Variants in CDC42BPA observed in about 807,000 individuals in gnomAD.
CDC42BPA encodes CDC42 binding protein kinase alpha.
A neutral mutation model predicts 223.5 loss-of-function variants in CDC42BPA; 80 were observed. The observed-to-expected ratio is 0.36, with a 90% CI of 0.30 to 0.43. The LOEUF (loss-of-function observed/expected upper bound fraction) is 0.43, where lower values mean the gene tolerates loss of function less well. Ranked by LOEUF, CDC42BPA falls within the 20% of genes least tolerant of loss-of-function variation. The pLI is 1.00. For missense variants in CDC42BPA, 1,743 were observed against 2,099.9 expected, an observed-to-expected ratio of 0.83 and a Z score of 3.32; for synonymous variants, 694 against 718.6, an observed-to-expected ratio of 0.97 and a Z score of 0.55.
intron 2 of CDC42BPA, among the ~76,000 whole-genome samples, chr1:227,221,781 T>G (rs1675940778): frequency 6.6e-6 from 1 of 151,524 alleles, no homozygotes; most frequent in African/African-American, 2.4e-5. Context: ...AGTCCCATTC[T>G]CCCCCAAGGT....
chr1:227,308,768 G>T (rs940622572), intron 1 of CDC42BPA, among the ~76,000 whole-genome samples: 2 of 152,046 alleles, frequency 1.3e-5, no homozygotes, highest in Admixed American at 1.3e-4. Flanking sequence ...TTCAGGTTAG[G>T]TGTTCTACTT....
intron 2 of CDC42BPA, among the ~76,000 whole-genome samples, chr1:227,238,074 G>A (rs73096317): frequency 0.15 from 22,181 of 148,832 alleles, 2,020 homozygotes; most frequent in African/African-American, 0.24. Flanking sequence ...TATTTCTAGC[G>A]GAATACAGTG....
At chr1:227,287,317 T>C (rs771308543) in intron 1 of CDC42BPA, among the ~76,000 whole-genome samples, 60 of 152,180 alleles carry the variant, frequency 3.9e-4, no homozygotes, top group Non-Finnish European at 7.6e-4. Context: ...GGCTGGCATC[T>C]GGGAACTTAG....
intron 1 of CDC42BPA, among the ~76,000 whole-genome samples, chr1:227,297,979 CACAT>C (rs1343603071): frequency 9.2e-5 from 12 of 130,824 alleles, no homozygotes; most frequent in Non-Finnish European, 1.4e-4. Flanking sequence ...CACACACACA[CACAT>C]ATATACATAT....
chr1:227,006,854 T>C (rs1262275956), intron 34 of CDC42BPA, among the ~76,000 whole-genome samples: 1 of 152,072 alleles, frequency 6.6e-6, no homozygotes, highest in Non-Finnish European at 1.5e-5. Flanking sequence ...GGAGAATCAC[T>C]TGAATCTGGG....
intron 14 of CDC42BPA, among the ~76,000 whole-genome samples, chr1:227,106,864 T>C (rs940597909): frequency 2.6e-5 from 4 of 152,220 alleles, no homozygotes; most frequent in African/African-American, 9.6e-5. Flanking sequence ...CAAAAATTAA[T>C]TGACCATAGA....
intron 32 of CDC42BPA, among the ~76,000 whole-genome samples, chr1:227,021,593 A>G (rs1300625666): frequency 6.6e-6 from 1 of 152,224 alleles, no homozygotes; most frequent in African/African-American, 2.4e-5. Flanking sequence ...TAATAACACA[A>G]AAACACACCA....
Position 227,016,247 on chromosome 1 carries a change from T to C in CDC42BPA, c.4740-50A>G, listed in dbSNP as rs773319981. 1.3e-5 allele frequency: 12 copies of C among 956,046 alleles called. No homozygotes were observed. The South Asian group carries it at 1.4e-4, about 11-fold the overall frequency. 59.2% of individuals were successfully genotyped at this position (956,046 alleles called of 1,614,324 possible). A position where few individuals can be genotyped will look rare whatever the true frequency, so the allele number is the denominator to read the frequency against. On this transcript the variant is annotated intron_variant, in intron 33 of 36. Coordinates refer to ENST00000366766, the MANE Select transcript of CDC42BPA (RefSeq NM_001394014.1). ...ATACTTTTTCCACAGTTAATTTATGTAGCTTATGAAAAAAATTAAGCTTAA... is the reference window on the plus strand; with the variant it reads ...ATACTTTTTCCACAGTTAATTTATGCAGCTTATGAAAAAAATTAAGCTTAA...
intron 32 of CDC42BPA, among the ~76,000 whole-genome samples, chr1:227,017,336 CT>C (rs1666482571): frequency 6.6e-6 from 1 of 152,136 alleles, no homozygotes; most frequent in South Asian, 2.1e-4. Flanking sequence ...CCTTGGTGTT[CT>C]GTCACTAATC....
At position 227,005,061 on chromosome 1, in the gene CDC42BPA, A is replaced by T; in HGVS notation, c.4908T>A (p.Ile1636=). 1.2e-6 allele frequency: 2 copies of T among 1,614,196 alleles called. No homozygotes were observed. The highest frequency in any genetic ancestry group is 1.7e-6 in the Non-Finnish European group (2 of 1,180,020). The change falls in exon 35 of 37, where the codon ATT becomes ATA. Residue 1636 remains isoleucine, a synonymous_variant. Coordinates refer to ENST00000366766, the MANE Select transcript of CDC42BPA (RefSeq NM_001394014.1). ...SRTVFSGSVS[I]PSITKSRPEP... Reference sequence around the variant, plus strand: ...CAGGGCGGGATTTGGTGATAGATGGAATACTGACTGAGCCACTGAATACTG... The same window carrying T: ...CAGGGCGGGATTTGGTGATAGATGGTATACTGACTGAGCCACTGAATACTG...
At chr1:227,073,811 AATT>A in intron 19 of CDC42BPA, 50 bp downstream of exon 19, 1 of 1,374,562 alleles carries the variant, frequency 7.3e-7, no homozygotes, top group Non-Finnish European at 9.8e-7. Context: ...CTCTCCAAAT[AATT>A]ATGACAAACT....
At chr1:227,192,969 T>C (rs1327101581) in intron 5 of CDC42BPA, among the ~76,000 whole-genome samples, 1 of 151,966 alleles carries the variant, frequency 6.6e-6, no homozygotes, top group Non-Finnish European at 1.5e-5. Flanking sequence ...AACTGACCAA[T>C]GCATACTCCT....
At chr1:227,054,623 C>T (rs1335225547) in intron 21 of CDC42BPA, among the ~76,000 whole-genome samples, 2 of 152,142 alleles carry the variant, frequency 1.3e-5, no homozygotes, top group African/African-American at 2.4e-5. Flanking sequence ...TTTGCAACTA[C>T]ACAAATTAGT....
intron 5 of CDC42BPA, among the ~76,000 whole-genome samples, chr1:227,193,376 A>G (rs1208886549): frequency 6.6e-6 from 1 of 151,486 alleles, no homozygotes; most frequent in Non-Finnish European, 1.5e-5. Flanking sequence ...TTTTTTTTTC[A>G]TAGATTTAGG....
In CDC42BPA at chr1:227,317,247, C is replaced by T; in HGVS notation, c.-65G>A. 3 of 1,510,474 alleles carry T rather than the reference C, an allele frequency of 2.0e-6. No homozygotes were observed. Among genetic ancestry groups the T allele is most frequent in the Non-Finnish European group, 2.7e-6 (3 of 1,116,942 alleles). The allele number at this position is 1,510,474 out of a possible 1,614,324, so 93.6% of individuals were successfully genotyped here. On this transcript the variant is annotated 5_prime_UTR_variant, in exon 1 of 37. An upstream open reading frame in the 5' UTR loses its in-frame stop. Transcript: ENST00000366766. Reference sequence around the variant, plus strand: ...TGATGACTTTTACTATTATCTGAACCTAAATTTTAAAAGGTATGGTTTTAA... The same window carrying T: ...TGATGACTTTTACTATTATCTGAACTTAAATTTTAAAAGGTATGGTTTTAA...
chr1:227,243,203 AG>A (rs1680301695), intron 2 of CDC42BPA, among the ~76,000 whole-genome samples: 1 of 152,150 alleles, frequency 6.6e-6, no homozygotes, highest in Admixed American at 6.5e-5. Context: ...GGAGAGGATC[AG>A]GAAAAAATAA....
intron 23 of CDC42BPA, among the ~76,000 whole-genome samples, chr1:227,045,979 T>C (rs1245717325): frequency 1.3e-5 from 2 of 152,052 alleles, no homozygotes; most frequent in African/African-American, 2.4e-5. Flanking sequence ...CTAATTTTTG[T>C]ATTTTTCATA....
At chr1:227,080,839 A>C in intron 17 of CDC42BPA, 54 bp downstream of exon 17, 1 of 1,602,176 alleles carries the variant, frequency 6.2e-7, no homozygotes, top group Non-Finnish European at 8.5e-7. Flanking sequence ...ATTCATACCA[A>C]CTTGGCCACA....
chr1:227,162,868 A>ATATGTGTGTGTGTGTGTG (rs1553371209), intron 5 of CDC42BPA, among the ~76,000 whole-genome samples: 107 of 149,462 alleles, frequency 7.2e-4, no homozygotes, highest in African/African-American at 2.3e-3. Context: ...ATAAATATAT[A>ATATGTGTGTGTGTGTGTG]TGTGTGTGTG....
Sources: allele counts gnomAD v4.1 joint callset (sites outside exome capture counted in the v4.1 genomes callset), GRCh38; gene constraint gnomAD v4.1.1; transcripts MANE v1.5; gene names NCBI Gene and HGNC (gene_info 2026-07-23, HGNC 2026-07-21).